The following GPC5 variants were observed in gnomAD, a reference collection of about 807,000 sequenced individuals.
GPC5 encodes glypican-5.
A neutral mutation model predicts 53.9 loss-of-function variants in GPC5; 47 were observed. The observed-to-expected ratio is 0.87, with a 90% CI of 0.69 to 1.11. The LOEUF is 1.11. Among genes scored for constraint, GPC5 ranks in the 50% most tolerant of loss-of-function variants. GPC5 has a pLI of 0.00. For missense variants in GPC5, 748 were observed against 713.1 expected (o/e 1.05, Z -0.56); for synonymous variants, 286 against 263.3 (o/e 1.09, Z -0.84).
rs1169644214 is a variant in GPC5, at chr13:91,728,512, T to C, written c.1021-20T>C. On this transcript the variant is annotated intron_variant, in intron 3 of 7. Coordinates refer to ENST00000377067, the MANE Select transcript of GPC5 (RefSeq NM_004466.6). ...TGGAGTACGATTTCTAACTACCTTTTAATGTTTTCTATTTAAAAGGTAAAT... is the reference window on the plus strand; with the variant it reads ...TGGAGTACGATTTCTAACTACCTTTCAATGTTTTCTATTTAAAAGGTAAAT... 1.2e-6 allele frequency: 2 copies of C among 1,603,290 alleles called. No homozygotes were observed. The highest frequency in any genetic ancestry group is 1.1e-5 in the South Asian group (1 of 88,682).
rs142686955 is a variant in GPC5, at chr13:92,544,436, C to T, written c.1562-321846C>T. 6.9e-3 allele frequency among the ~76,000 whole-genome samples: 1,055 copies of T among 152,210 alleles called. 9 individuals are homozygous for T. The highest frequency in any genetic ancestry group is 9.3e-3 in the Non-Finnish European group (630 of 68,004). Reference sequence around the variant, plus strand: ...AGGAGTATTTAAATATGCCCTCTTGCGAGAATAGACCTGGAGGAATTTTCT... The same window carrying T: ...AGGAGTATTTAAATATGCCCTCTTGTGAGAATAGACCTGGAGGAATTTTCT... On this transcript the variant is annotated intron_variant, in intron 7 of 7. Coordinates refer to ENST00000377067, the MANE Select transcript of GPC5 (RefSeq NM_004466.6).
intron 5 of GPC5, among the ~76,000 whole-genome samples, chr13:91,782,952 G>GT (rs1258497628): frequency 4.6e-5 from 7 of 151,592 alleles, no homozygotes; most frequent in Non-Finnish European, 8.8e-5. Context: ...AAAAATAAAA[G>GT]TTTTTTTCCT....
chr13:91,891,819 T>C (rs538135934), intron 5 of GPC5, among the ~76,000 whole-genome samples: 2 of 152,252 alleles, frequency 1.3e-5, no homozygotes, highest in East Asian at 3.9e-4. Context: ...CAGTTTAGTG[T>C]TTTATTTAGC....
intron 2 of GPC5, among the ~76,000 whole-genome samples, chr13:91,507,226 T>G (rs569004456): frequency 6.6e-6 from 1 of 152,298 alleles, no homozygotes; most frequent in Non-Finnish European, 1.5e-5. Flanking sequence ...GATATCTGTC[T>G]TCTTGCTCTG....
intron 2 of GPC5, among the ~76,000 whole-genome samples, chr13:91,459,030 A>C (rs1271117009): frequency 1.3e-5 from 2 of 152,060 alleles, no homozygotes; most frequent in Non-Finnish European, 1.5e-5. Context: ...AGACATAAGA[A>C]TGATACAATG....
Position 91,571,919 on chromosome 13 carries a change from TATTGTATATATACAC to T in GPC5, c.326-121266_326-121252del, listed in dbSNP as rs1479631944. Among the ~76,000 whole-genome samples, 75 of 94,804 alleles carry T rather than the reference TATTGTATATATACAC, an allele frequency of 7.9e-4. 9 individuals carry two copies. In the South Asian group the frequency reaches 0.018, roughly 23 times the overall value. 62.2% of individuals were successfully genotyped at this position (94,804 alleles called of 152,430 possible). On this transcript the variant is annotated intron_variant, in intron 2 of 7. Transcript: ENST00000377067. Reference sequence around the variant, plus strand: ...TATACACATATTGTATATATACACATATTGTATATATACACACATGTATATACATATACACACATA... The same window carrying T: ...TATACACATATTGTATATATACACATACATGTATATACATATACACACATA...
At chr13:91,887,260 C>T (rs2039333677) in intron 5 of GPC5, among the ~76,000 whole-genome samples, 1 of 152,114 alleles carries the variant, frequency 6.6e-6, no homozygotes, top group African/African-American at 2.4e-5. Flanking sequence ...GTCTCCCACC[C>T]AAGCCATGGG....
intron 7 of GPC5, among the ~76,000 whole-genome samples, chr13:92,828,166 C>G (rs1382690013): frequency 6.6e-6 from 1 of 152,074 alleles, no homozygotes; most frequent in Admixed American, 6.6e-5. Flanking sequence ...TCCATCCCCC[C>G]TCACCCTATC....
chr13:92,434,409 A>G (rs749940209), intron 7 of GPC5, among the ~76,000 whole-genome samples: 1 of 152,194 alleles, frequency 6.6e-6, no homozygotes, highest in Non-Finnish European at 1.5e-5. Context: ...TTTCTTCAGG[A>G]AAAGGTTTTT....
intron 2 of GPC5, among the ~76,000 whole-genome samples, chr13:91,611,124 G>A (rs752969260): frequency 3.3e-5 from 5 of 152,166 alleles, no homozygotes; most frequent in Non-Finnish European, 7.4e-5. Context: ...TAACCAAATT[G>A]CTTCCTTAAT....
chr13:91,878,875 A>C (rs1333739853), intron 5 of GPC5, among the ~76,000 whole-genome samples: 1 of 152,140 alleles, frequency 6.6e-6, no homozygotes, highest in African/African-American at 2.4e-5. Flanking sequence ...TTGAGAATCG[A>C]GAAGACATAA....
intron 2 of GPC5, among the ~76,000 whole-genome samples, chr13:91,630,872 A>C (rs1167456326): frequency 2.0e-5 from 3 of 152,120 alleles, no homozygotes; most frequent in Non-Finnish European, 2.9e-5. Flanking sequence ...TTAAATGAAT[A>C]TCCCTTAACA....
chr13:92,239,663 T>TATATATATTCAGAG (rs1185544984), intron 7 of GPC5, among the ~76,000 whole-genome samples: 5 of 152,054 alleles, frequency 3.3e-5, no homozygotes, highest in Admixed American at 1.3e-4. Context: ...TCAGATTCAT[T>TATATATATTCAGAG]ATATATAAAC....
At chr13:91,433,848 C>G (rs1414596598) in intron 1 of GPC5, among the ~76,000 whole-genome samples, 2 of 151,928 alleles carry the variant, frequency 1.3e-5, no homozygotes, top group African/African-American at 4.8e-5. Context: ...TTCTCCACAT[C>G]CTCTCCAGCA....
chr13:92,648,044 G>C (rs1430241748), intron 7 of GPC5, among the ~76,000 whole-genome samples: 1 of 98,896 alleles, frequency 1.0e-5, no homozygotes, highest in Non-Finnish European at 3.1e-5. Flanking sequence ...AGGATATAAA[G>C]TAATTTTATA....
intron 7 of GPC5, among the ~76,000 whole-genome samples, chr13:92,385,519 C>CAT (rs1481687635): frequency 4.0e-5 from 3 of 74,182 alleles, no homozygotes; most frequent in Admixed American, 1.6e-4. Flanking sequence ...TATATACATA[C>CAT]ATATGCATAT....
At chr13:92,821,571 G>C (rs1877676334) in intron 7 of GPC5, among the ~76,000 whole-genome samples, 3 of 148,676 alleles carry the variant, frequency 2.0e-5, no homozygotes, top group Admixed American at 2.0e-4. Context: ...TTGGAAGCCT[G>C]GGTTTTCCTT....
intron 4 of GPC5, among the ~76,000 whole-genome samples, chr13:91,745,531 C>G (rs558428086): frequency 6.6e-6 from 1 of 152,068 alleles, no homozygotes; most frequent in Non-Finnish European, 1.5e-5. Flanking sequence ...GTTTTGAAAT[C>G]ACAGTAAATC....
chr13:92,385,801 ACG>A (rs1332056982), intron 7 of GPC5, among the ~76,000 whole-genome samples: 1 of 86,616 alleles, frequency 1.2e-5, no homozygotes. Context: ...ATACATATAT[ACG>A]TATATATATA....
Sources: gnomAD v4.1 joint callset for allele counts (sites outside exome capture counted in the v4.1 genomes callset) on GRCh38, gnomAD v4.1.1 for gene constraint, MANE v1.5 for transcripts, NCBI Gene and HGNC (gene_info 2026-07-23, HGNC 2026-07-21) for gene names.